Variants in TFDP1 observed in about 807,000 individuals in gnomAD.
TFDP1 encodes transcription factor Dp-1, also known as DRTF1-polypeptide 1.
TFDP1 carries 6 observed loss-of-function variants against 48.0 expected under a neutral mutation model. The observed-to-expected ratio is 0.13, with a 90% CI of 0.07 to 0.25. The LOEUF is 0.25. Ranked by LOEUF, TFDP1 falls within the 10% of genes least tolerant of loss-of-function variation. TFDP1 has a pLI of 1.00. For missense variants in TFDP1, 335 were observed against 543.0 expected, an observed-to-expected ratio of 0.62 and a Z score of 3.81; for synonymous variants, 201 against 211.6, an observed-to-expected ratio of 0.95 and a Z score of 0.44.
At chr13:113,634,840 T>C (rs1436612718) in intron 8 of TFDP1, among the ~76,000 whole-genome samples, 1 of 151,940 alleles carries the variant, frequency 6.6e-6, no homozygotes, top group Admixed American at 6.6e-5. Flanking sequence ...TGTGTGTGTG[T>C]GCATGTGCCT....
intron 11 of TFDP1, among the ~76,000 whole-genome samples, chr13:113,639,474 G>A (rs4150821): frequency 0.04 from 6,049 of 152,252 alleles, 306 homozygotes; most frequent in African/African-American, 0.12. Flanking sequence ...TGAATTTCTC[G>A]CCATTTCTGA....
At chr13:113,625,475 TTTCTCAGGTGTCTCTCACGTG>T (rs1430348210) in intron 4 of TFDP1, among the ~76,000 whole-genome samples, 3 of 83,616 alleles carry the variant, frequency 3.6e-5, no homozygotes, top group Non-Finnish European at 4.2e-5. Flanking sequence ...TCCTCAGGTG[TTTCTCAGGTGTCTCTCACGTG>T]TTCTCAGGTG....
At chr13:113,601,492 C>A (rs2048425819) in intron 2 of TFDP1, among the ~76,000 whole-genome samples, 1 of 145,084 alleles carries the variant, frequency 6.9e-6, no homozygotes, top group South Asian at 2.2e-4. Flanking sequence ...CACCCTCACC[C>A]TCACCAGGCT....
chr13:113,605,705 G>T (rs186447188), intron 2 of TFDP1, among the ~76,000 whole-genome samples: 1 of 152,236 alleles, frequency 6.6e-6, no homozygotes, highest in African/African-American at 2.4e-5. Context: ...ACCAGCTTTC[G>T]CCAGAGGGCA....
At chr13:113,610,904 T>C in intron 2 of TFDP1, 92 bp from the exon 3 acceptor site, 1 of 1,202,938 alleles carries the variant, frequency 8.3e-7, no homozygotes, top group Admixed American at 1.8e-5. Flanking sequence ...TATGACGTTA[T>C]TTGATAGAAC....
At chr13:113,608,022 T>A (rs1304105863) in intron 2 of TFDP1, among the ~76,000 whole-genome samples, 2 of 152,158 alleles carry the variant, frequency 1.3e-5, no homozygotes, top group Admixed American at 6.5e-5. Context: ...GACACGAGCG[T>A]CACAGTGGCT....
intron 2 of TFDP1, among the ~76,000 whole-genome samples, chr13:113,610,181 G>T (rs927169505): frequency 1.3e-5 from 2 of 151,580 alleles, no homozygotes; most frequent in Non-Finnish European, 2.9e-5. Flanking sequence ...TCATGTGTGT[G>T]CCCCTGCTGT....
At chr13:113,601,548 C>T (rs1042105794) in intron 2 of TFDP1, among the ~76,000 whole-genome samples, 5 of 152,220 alleles carry the variant, frequency 3.3e-5, no homozygotes, top group African/African-American at 4.8e-5. Context: ...TTGGGGGCCC[C>T]TGCAGGGCCA....
In TFDP1 at chr13:113,627,109, A is replaced by T. The variant is rs2049199319; in HGVS notation, c.186+3823A>T. Among the ~76,000 whole-genome samples the T allele has an allele frequency of 6.6e-6, 1 of 152,182 alleles. No individual in the cohort carries two copies. The highest frequency in any genetic ancestry group is 2.1e-4 in the South Asian group (1 of 4,832). On this transcript the variant is annotated intron_variant, in intron 4 of 11. Coordinates refer to ENST00000375370, the MANE Select transcript of TFDP1 (RefSeq NM_007111.5). This position sits in a 1 kb window ranked among gnomAD's most constrained non-coding sequence, Gnocchi z 4.1. ...GCAAATGTTTCTTAAACCTTTTTAT[A>T]TACCAGAGGTTTACAAAAAACTGGA...
chr13:113,610,262 G>A (rs543121232), intron 2 of TFDP1, among the ~76,000 whole-genome samples: 2 of 151,762 alleles, frequency 1.3e-5, no homozygotes, highest in East Asian at 3.9e-4. Flanking sequence ...CCATGTGGCT[G>A]TACCATCACG....
rs528644583 is a variant in TFDP1, at chr13:113,636,013, C to A, written c.724C>A (p.His242Asn). 35 of 1,614,156 alleles carry A rather than the reference C, an allele frequency of 2.2e-5. No individual in the cohort carries two copies. The South Asian group carries it at 3.5e-4, about 16-fold the overall frequency. The change falls in exon 9 of 12, where the codon CAT becomes AAT. Residue 242 changes from histidine (H) to asparagine (N), a missense_variant. Transcript: ENST00000375370. Reference sequence around the variant, plus strand: ...CAAGAACCTGGTGCAGAGAAACCGGCATGCGGAGCAGCAGGCCAGCCGGCC... The same window carrying A: ...CAAGAACCTGGTGCAGAGAAACCGGAATGCGGAGCAGCAGGCCAGCCGGCC... Reference protein sequence around the residue: ...AFKNLVQRNRHAEQQASRPPP... With the variant: ...AFKNLVQRNRNAEQQASRPPP...
At chr13:113,637,007 G>A (rs2049509715) in intron 10 of TFDP1, 1 of 283,340 alleles carries the variant, frequency 3.5e-6, no homozygotes, top group East Asian at 6.9e-5. Context: ...AGGCCCAGAA[G>A]TAGAAGTTGA....
At chr13:113,630,644 T>G (rs2049310322) in intron 4 of TFDP1, among the ~76,000 whole-genome samples, 1 of 152,200 alleles carries the variant, frequency 6.6e-6, no homozygotes, top group Non-Finnish European at 1.5e-5. Flanking sequence ...ATTGAATGAT[T>G]TAACATTTAC....
At chr13:113,593,907 T>TAC (rs1320599689) in intron 2 of TFDP1, among the ~76,000 whole-genome samples, 1 of 145,072 alleles carries the variant, frequency 6.9e-6, no homozygotes, top group Admixed American at 6.9e-5. Flanking sequence ...AGGTGTGGTG[T>TAC]GTGCGGGTCC....
At chr13:113,599,926 G>A (rs185525821) in intron 2 of TFDP1, among the ~76,000 whole-genome samples, 121 of 151,520 alleles carry the variant, frequency 8.0e-4, no homozygotes, top group Admixed American at 2.0e-4. Flanking sequence ...CTCCAGAACC[G>A]TGAGAGAGAA....
At chr13:113,602,997 A>G (rs1339391106) in intron 2 of TFDP1, among the ~76,000 whole-genome samples, 2 of 151,772 alleles carry the variant, frequency 1.3e-5, no homozygotes, top group South Asian at 2.1e-4. Flanking sequence ...CGTATAATTT[A>G]CAAATTTGTG....
At chr13:113,606,209 G>T (rs918691212) in intron 2 of TFDP1, among the ~76,000 whole-genome samples, 21 of 150,814 alleles carry the variant, frequency 1.4e-4, no homozygotes, top group African/African-American at 4.6e-4. Context: ...TTGAGTGTCC[G>T]CAGGGGAGCC....
chr13:113,589,854 C>T lies in TFDP1; in HGVS notation c.12+4005C>T, dbSNP rs146160114. 5.1e-3 allele frequency among the ~76,000 whole-genome samples: 782 copies of T among 152,300 alleles called. 7 individuals are homozygous for T. Among genetic ancestry groups the T allele is most frequent in the African/African-American group, 0.018 (749 of 41,578 alleles). ...GCCTGCGGCCAAGTTTCCTGCCTGC[C>T]CAGGCAGCATGACCCTTGGTGGGAT... On this transcript the variant is annotated intron_variant, in intron 2 of 11. Transcript: ENST00000375370.
intron 4 of TFDP1, among the ~76,000 whole-genome samples, chr13:113,625,968 C>T (rs1215800791): frequency 1.4e-5 from 2 of 142,008 alleles, no homozygotes; most frequent in East Asian, 4.1e-4. Flanking sequence ...CCTCAGGCGT[C>T]TCTCACGTGT....
Sources: allele counts gnomAD v4.1 joint callset (sites outside exome capture counted in the v4.1 genomes callset), GRCh38; gene constraint gnomAD v4.1.1; non-coding constraint Gnocchi (gnomAD v3.1); transcripts MANE v1.5; gene names NCBI Gene and HGNC (gene_info 2026-07-23, HGNC 2026-07-21).